ZFHX3: variants seen among roughly 807,000 people sequenced by gnomAD.
The protein encoded by ZFHX3 is zinc finger homeobox 3.
A neutral mutation model predicts 279.1 loss-of-function variants in ZFHX3; 42 were observed. The ratio of observed to expected loss-of-function variants is 0.15; its 90% CI spans 0.12 to 0.19. The LOEUF (loss-of-function observed/expected upper bound fraction) is 0.19. Ranked by LOEUF, ZFHX3 falls within the 10% of genes least tolerant of loss-of-function variation. ZFHX3 has a pLI of 1.00. For missense variants in ZFHX3, 4,981 were observed against 4,754.0 expected, an observed-to-expected ratio of 1.05 and a Z score of -1.40; for synonymous variants, 2,293 against 1,957.8, an observed-to-expected ratio of 1.17 and a Z score of -4.52.
chr16:73,873,193 TG>T (rs1410063458), intron 1 of ZFHX3, among the ~76,000 whole-genome samples: 2 of 63,808 alleles, frequency 3.1e-5, no homozygotes, highest in Non-Finnish European at 5.7e-5. Context: ...TGGTGGATGG[TG>T]GGTGGTGGTG....
intron 8 of ZFHX3, among the ~76,000 whole-genome samples, chr16:73,070,460 A>T (rs577895186): frequency 1.3e-5 from 2 of 152,188 alleles, no homozygotes; most frequent in Non-Finnish European, 2.9e-5. Context: ...CCCTTGAGCT[A>T]ATTATAAAAG....
intron 1 of ZFHX3, among the ~76,000 whole-genome samples, chr16:73,711,524 T>C (rs762126677): frequency 6.6e-6 from 1 of 151,906 alleles, no homozygotes; most frequent in African/African-American, 2.4e-5. Flanking sequence ...GTTGACTCCA[T>C]ATGTTGGAGG....
At chr16:73,643,787 C>T (rs1162940697) in intron 2 of ZFHX3, among the ~76,000 whole-genome samples, 1 of 152,172 alleles carries the variant, frequency 6.6e-6, no homozygotes, top group Admixed American at 6.5e-5. Context: ...CTCTGTAGTC[C>T]TTTGACTGGT....
intron 1 of ZFHX3, among the ~76,000 whole-genome samples, chr16:72,986,863 C>A (rs1962869673): frequency 6.6e-6 from 1 of 152,242 alleles, no homozygotes; most frequent in South Asian, 2.1e-4. Flanking sequence ...ACATAGAACC[C>A]AGCCAGGTGC....
chr16:73,835,428 C>A (rs2966027), intron 1 of ZFHX3, among the ~76,000 whole-genome samples: 1 of 147,218 alleles, frequency 6.8e-6, no homozygotes, highest in Non-Finnish European at 1.5e-5. Context: ...CCTCTTCTTT[C>A]GCCAACTTTC....
rs1961450589 is a variant in ZFHX3, at chr16:72,959,465, G to T, written c.681C>A (p.Val227=). ...NTSALAGLSP[V]LHSFRVFDVR... is the part of the protein sequence containing the mutation. Reference sequence around the variant, plus strand: ...CGTCAAACACGCGGAAGCTGTGCAGGACGGGGCTGAGCCCCGCCAGGGCTG... The same window carrying T: ...CGTCAAACACGCGGAAGCTGTGCAGTACGGGGCTGAGCCCCGCCAGGGCTG... The change falls in exon 2 of 10, where the codon GTC becomes GTA. Residue 227 remains valine (V), a synonymous_variant. Transcript: ENST00000268489. 6.2e-7 allele frequency: 1 copy of T among 1,614,136 alleles called. No homozygotes were observed. Among genetic ancestry groups the T allele is most frequent in the Non-Finnish European group, 8.5e-7 (1 of 1,180,044 alleles).
intron 2 of ZFHX3, among the ~76,000 whole-genome samples, chr16:73,664,300 A>G (rs1382051638): frequency 1.3e-5 from 2 of 152,188 alleles, no homozygotes; most frequent in African/African-American, 4.8e-5. Flanking sequence ...AATTCCCATG[A>G]AAAACAAAGA....
At chr16:73,117,154 C>T (rs924013134) in intron 7 of ZFHX3, among the ~76,000 whole-genome samples, 4 of 152,222 alleles carry the variant, frequency 2.6e-5, no homozygotes, top group African/African-American at 9.6e-5. Context: ...TGGATTGTTA[C>T]TGGCTTGTTT....
chr16:73,775,458 A>C (rs1186345849), intron 1 of ZFHX3, among the ~76,000 whole-genome samples: 1 of 152,166 alleles, frequency 6.6e-6, no homozygotes, highest in Non-Finnish European at 1.5e-5. Context: ...GCAGCACGAT[A>C]ATTCTTACCC....
At chr16:72,895,557 C>T (rs983584465) in intron 3 of ZFHX3, among the ~76,000 whole-genome samples, 1 of 152,234 alleles carries the variant, frequency 6.6e-6, no homozygotes, top group Non-Finnish European at 1.5e-5. Context: ...GGCGTGGTGG[C>T]TCACGCCTGT....
At chr16:72,941,318 G>C (rs1343951173) in intron 3 of ZFHX3, among the ~76,000 whole-genome samples, 1 of 152,190 alleles carries the variant, frequency 6.6e-6, no homozygotes, top group Non-Finnish European at 1.5e-5. Flanking sequence ...ATCATCATTA[G>C]AGGCATTTGT....
At chr16:73,291,705 T>C (rs1187919220) in intron 4 of ZFHX3, among the ~76,000 whole-genome samples, 1 of 152,220 alleles carries the variant, frequency 6.6e-6, no homozygotes, top group African/African-American at 2.4e-5. Flanking sequence ...TACCTTTAAC[T>C]ATATGCATTA....
chr16:72,937,972 G>A (rs1338492369), intron 3 of ZFHX3, among the ~76,000 whole-genome samples: 1 of 152,228 alleles, frequency 6.6e-6, no homozygotes, highest in Non-Finnish European at 1.5e-5. Flanking sequence ...GGAGAGAAAC[G>A]GATAACCACC....
chr16:72,977,669 G>C (rs1013657651), intron 1 of ZFHX3, among the ~76,000 whole-genome samples: 1 of 151,840 alleles, frequency 6.6e-6, no homozygotes, highest in African/African-American at 2.4e-5. Flanking sequence ...CTACCTGCAG[G>C]GGACTCAGGG....
At chr16:73,804,007 A>G (rs1199859501) in intron 1 of ZFHX3, among the ~76,000 whole-genome samples, 2 of 152,122 alleles carry the variant, frequency 1.3e-5, no homozygotes, top group African/African-American at 4.8e-5. Context: ...AAATACAAAA[A>G]TTAACTGGGA....
At chr16:73,767,183 C>T (rs983818152) in intron 1 of ZFHX3, among the ~76,000 whole-genome samples, 2 of 152,010 alleles carry the variant, frequency 1.3e-5, no homozygotes, top group African/African-American at 4.8e-5. Context: ...GTGATCTGCC[C>T]ACTTCCACCT....
intron 3 of ZFHX3, among the ~76,000 whole-genome samples, chr16:73,358,571 T>G (rs543020558): frequency 6.6e-6 from 1 of 152,234 alleles, no homozygotes; most frequent in Non-Finnish European, 1.5e-5. Flanking sequence ...CCCAGATTCC[T>G]GCCCTGTAGA....
chr16:73,875,260 CAT>C (rs71761674), intron 1 of ZFHX3, among the ~76,000 whole-genome samples: 3,172 of 152,202 alleles, frequency 0.021, 112 homozygotes, highest in African/African-American at 0.073. Flanking sequence ...TATTTATACA[CAT>C]GACACATGCT....
chr16:72,890,925 A>G (rs1365235738), intron 3 of ZFHX3, among the ~76,000 whole-genome samples: 1 of 152,230 alleles, frequency 6.6e-6, no homozygotes, highest in Non-Finnish European at 1.5e-5. Context: ...AATGTGCTAA[A>G]TTATGACAGG....
Sources: allele counts gnomAD v4.1 joint callset (sites outside exome capture counted in the v4.1 genomes callset), GRCh38; gene constraint gnomAD v4.1.1; transcripts MANE v1.5; gene names NCBI Gene and HGNC (gene_info 2026-07-23, HGNC 2026-07-21).